The following SOCS5 variants were observed in gnomAD, a reference collection of about 807,000 sequenced individuals.
SOCS5 encodes CIS-6.
In SOCS5, 32 loss-of-function variants were observed where a neutral mutation model predicts 42.8. That is an observed-to-expected ratio of 0.75 (90% CI 0.56 to 1.01). SOCS5 has a LOEUF of 1.01. SOCS5 is among the 50% of genes least tolerant of loss of function. The pLI, the probability that SOCS5 is intolerant of heterozygous loss-of-function variation, is 0.00. For missense variants in SOCS5, 627 were observed against 653.0 expected, an observed-to-expected ratio of 0.96 and a Z score of 0.43; for synonymous variants, 283 against 229.6, an observed-to-expected ratio of 1.23 and a Z score of -2.10.
chr2:46,725,147 G>T, intron 1 of SOCS5, among the ~76,000 whole-genome samples: 1 of 151,592 alleles, frequency 6.6e-6, no homozygotes, highest in African/African-American at 2.4e-5. Flanking sequence ...TCTTTGCTTT[G>T]AAATGTACCT....
At chr2:46,734,984 C>G (rs541193815) in intron 1 of SOCS5, among the ~76,000 whole-genome samples, 65 of 152,302 alleles carry the variant, frequency 4.3e-4, no homozygotes, top group African/African-American at 1.5e-3. Flanking sequence ...TTTGCGGTAT[C>G]TGCCTGAAAT....
intron 1 of SOCS5, among the ~76,000 whole-genome samples, chr2:46,741,626 A>G (rs1023293285): frequency 9.9e-5 from 15 of 152,162 alleles, no homozygotes; most frequent in South Asian, 8.3e-4. Flanking sequence ...AATGTTTGTG[A>G]TATAGATGTG....
At chr2:46,736,100 G>C (rs998162423) in intron 1 of SOCS5, among the ~76,000 whole-genome samples, 2 of 151,396 alleles carry the variant, frequency 1.3e-5, no homozygotes, top group Non-Finnish European at 2.9e-5. Context: ...AAGTGCGGTG[G>C]TGCCATCATA....
chr2:46,718,559 A>G (rs1364882764), intron 1 of SOCS5, among the ~76,000 whole-genome samples: 1 of 152,204 alleles, frequency 6.6e-6, no homozygotes, highest in African/African-American at 2.4e-5. Context: ...TCAGAAGGAT[A>G]ATTATTTTAT....
chr2:46,705,919 A>G (rs888957308), intron 1 of SOCS5, among the ~76,000 whole-genome samples: 1 of 152,226 alleles, frequency 6.6e-6, no homozygotes, highest in Non-Finnish European at 1.5e-5. Flanking sequence ...ACAGAACAAG[A>G]TAATGCATTT....
rs1469362761 is a variant in SOCS5 at position 46,760,774 on chromosome 2, T to C, written c.*633T>C. On this transcript the variant is annotated 3_prime_UTR_variant, in exon 2 of 2. Coordinates refer to ENST00000394861, the MANE Select transcript of SOCS5 (RefSeq NM_144949.3). Reference sequence around the variant, plus strand: ...AATAGGCATTCTTAAAATTTCAGACTTACAAAGCTAGTAGTAGAATTTTAT... The same window carrying C: ...AATAGGCATTCTTAAAATTTCAGACCTACAAAGCTAGTAGTAGAATTTTAT... 1 of 167,134 alleles carries C rather than the reference T, an allele frequency of 6.0e-6. No individual in the cohort carries two copies. Among genetic ancestry groups the C allele is most frequent in the African/African-American group, 2.4e-5 (1 of 41,474 alleles). The allele number at this position is 167,134 out of a possible 1,614,324, so 10.4% of individuals were successfully genotyped here. A position where few individuals can be genotyped will look rare whatever the true frequency, so the allele number is the denominator to read the frequency against.
chr2:46,720,567 G>A (rs1187735631), intron 1 of SOCS5, among the ~76,000 whole-genome samples: 2 of 152,148 alleles, frequency 1.3e-5, no homozygotes, highest in Non-Finnish European at 2.9e-5. Context: ...GTAAAATCCA[G>A]GTAGCAAATT....
rs114648415 is a variant in SOCS5 at position 46,729,370 on chromosome 2, A to C, written c.-12-29149A>C. 7.1e-3 allele frequency among the ~76,000 whole-genome samples: 1,075 copies of C among 152,296 alleles called. 19 individuals are homozygous for C. The highest frequency in any genetic ancestry group is 0.025 in the African/African-American group (1,034 of 41,558). ...CTTAACAACAGGGATACGTTCTGGG[A>C]AGTATGTCATTAAGCGATTTCATTG... On this transcript the variant is annotated intron_variant, in intron 1 of 1. Transcript: ENST00000394861.
chr2:46,716,074 T>C (rs372483172), intron 1 of SOCS5, among the ~76,000 whole-genome samples: 1 of 151,334 alleles, frequency 6.6e-6, no homozygotes, highest in Non-Finnish European at 1.5e-5. Flanking sequence ...TTTGCTGTTA[T>C]GCCTGTCCAG....
chr2:46,712,828 T>C (rs1672657943), intron 1 of SOCS5, among the ~76,000 whole-genome samples: 1 of 152,234 alleles, frequency 6.6e-6, no homozygotes, highest in Non-Finnish European at 1.5e-5. Context: ...TTTTGTTTTG[T>C]TTCCTCTAGA....
chr2:46,705,584 A>G (rs539090834), intron 1 of SOCS5, among the ~76,000 whole-genome samples: 9 of 152,228 alleles, frequency 5.9e-5, no homozygotes, highest in Non-Finnish European at 8.8e-5. Flanking sequence ...AACCCACTGA[A>G]TGTTAAATAT....
At chr2:46,714,278 T>C (rs761983082) in intron 1 of SOCS5, among the ~76,000 whole-genome samples, 4 of 152,214 alleles carry the variant, frequency 2.6e-5, no homozygotes, top group African/African-American at 4.8e-5. Flanking sequence ...TGTTTCTTCT[T>C]TCAGTTCCAA....
intron 1 of SOCS5, among the ~76,000 whole-genome samples, chr2:46,708,703 C>G (rs1164225473): frequency 1.3e-5 from 2 of 152,108 alleles, no homozygotes; most frequent in African/African-American, 2.4e-5. Flanking sequence ...CCTTGAAACA[C>G]TGTACCAGTT....
At chr2:46,732,100 G>A (rs1003889037) in intron 1 of SOCS5, among the ~76,000 whole-genome samples, 2 of 152,202 alleles carry the variant, frequency 1.3e-5, no homozygotes, top group African/African-American at 4.8e-5. Context: ...TCTGTGGCTG[G>A]ATGCAGTTTT....
At chr2:46,747,913 G>A (rs78530730) in intron 1 of SOCS5, among the ~76,000 whole-genome samples, 2 of 152,110 alleles carry the variant, frequency 1.3e-5, no homozygotes, top group African/African-American at 4.8e-5. Context: ...TGATAGGTTA[G>A]GTTTAATTTT....
chr2:46,722,486 C>G (rs1477966020), intron 1 of SOCS5, among the ~76,000 whole-genome samples: 3 of 152,088 alleles, frequency 2.0e-5, no homozygotes, highest in Non-Finnish European at 2.9e-5. Context: ...GAAAATCAGC[C>G]AGGTTGTTGT....
chr2:46,711,645 T>C (rs976742805), intron 1 of SOCS5, among the ~76,000 whole-genome samples: 1 of 152,228 alleles, frequency 6.6e-6, no homozygotes, highest in African/African-American at 2.4e-5. Flanking sequence ...CAATATTTCC[T>C]CTTATGCTAG....
chr2:46,721,873 A>C (rs1672892317), intron 1 of SOCS5, among the ~76,000 whole-genome samples: 1 of 152,084 alleles, frequency 6.6e-6, no homozygotes, highest in Non-Finnish European at 1.5e-5. Context: ...CCCAGTCCGC[A>C]TTCAAAGTGC....
chr2:46,718,270 A>T (rs1672794740), intron 1 of SOCS5, among the ~76,000 whole-genome samples: 1 of 152,330 alleles, frequency 6.6e-6, no homozygotes, highest in Admixed American at 6.5e-5. Context: ...TTTACCGAAG[A>T]TCTAGCCCAA....
Sources: allele counts gnomAD v4.1 joint callset (sites outside exome capture counted in the v4.1 genomes callset), GRCh38; gene constraint gnomAD v4.1.1; transcripts MANE v1.5; gene names NCBI Gene and HGNC (gene_info 2026-07-23, HGNC 2026-07-21).